Variants in ZHX2 observed in about 807,000 individuals in gnomAD.
ZHX2 encodes the protein zinc fingers and homeoboxes protein 2.
In ZHX2, 6 loss-of-function variants were observed where a neutral mutation model predicts 21.9. The observed-to-expected ratio is 0.27, with a 90% confidence interval of 0.15 to 0.54. The LOEUF is 0.54. ZHX2 is among the 20% of genes least tolerant of loss of function. The pLI, the probability that ZHX2 is intolerant of heterozygous loss-of-function variation, is 0.95. For synonymous variants in ZHX2, 434 were observed against 437.1 expected (o/e 0.99, Z 0.09); for missense variants, 908 against 1,090.7 (o/e 0.83, Z 2.36).
intron 1 of ZHX2, among the ~76,000 whole-genome samples, chr8:122,831,286 C>G (rs1010871319): frequency 6.6e-6 from 1 of 152,114 alleles, no homozygotes; most frequent in African/African-American, 2.4e-5. Flanking sequence ...GAAAAGGCGG[C>G]GGCCAGAGGG....
intron 3 of ZHX2, among the ~76,000 whole-genome samples, chr8:122,957,782 A>G (rs1045580108): frequency 1.3e-5 from 2 of 152,052 alleles, no homozygotes; most frequent in Non-Finnish European, 2.9e-5. Flanking sequence ...TTGGAGTTCC[A>G]TGGTATTGAG....
chr8:122,790,103 A>G (rs764833423), intron 1 of ZHX2, among the ~76,000 whole-genome samples: 8 of 152,208 alleles, frequency 5.3e-5, no homozygotes, highest in Non-Finnish European at 8.8e-5. Context: ...ATTTCCTGGT[A>G]CAGGATATAT....
intron 1 of ZHX2, among the ~76,000 whole-genome samples, chr8:122,844,069 T>C (rs531070499): frequency 4.6e-5 from 7 of 152,292 alleles, no homozygotes; most frequent in African/African-American, 1.4e-4. Context: ...TATGCCTTTC[T>C]TGGGGCATCT....
At chr8:122,795,167 A>G (rs1034128183) in intron 1 of ZHX2, among the ~76,000 whole-genome samples, 8 of 152,240 alleles carry the variant, frequency 5.3e-5, no homozygotes, top group Non-Finnish European at 1.2e-4. Context: ...AGGAAGTTCT[A>G]TGCTCCTGGG....
chr8:122,799,631 G>T (rs1317617182), intron 1 of ZHX2, among the ~76,000 whole-genome samples: 2 of 152,148 alleles, frequency 1.3e-5, no homozygotes, highest in Admixed American at 6.5e-5. Context: ...TAGAGGACTT[G>T]GTTTTAGCTC....
chr8:122,798,661 T>C (rs1817659030), intron 1 of ZHX2, among the ~76,000 whole-genome samples: 1 of 152,090 alleles, frequency 6.6e-6, no homozygotes, highest in Non-Finnish European at 1.5e-5. Context: ...TATGCACCTC[T>C]AGTCCCAGCT....
rs144930055 is a variant in ZHX2, at chr8:122,821,155, C to T, written c.-283+39209C>T. ...AATTCTAGATTCTGGAGGAGGGGTG[C>T]GCTGGTTCTGCAGGGACCAGGAGTC... On this transcript the variant is annotated intron_variant, in intron 1 of 3. Transcript: ENST00000314393. Among the ~76,000 whole-genome samples the T allele has an allele frequency of 6.5e-3, 986 of 152,292 alleles. 6 individuals carry two copies. Among genetic ancestry groups the T allele is most frequent in the Middle Eastern group, 0.014 (4 of 294 alleles).
At chr8:122,790,990 C>A (rs533145035) in intron 1 of ZHX2, among the ~76,000 whole-genome samples, 1 of 152,316 alleles carries the variant, frequency 6.6e-6, no homozygotes, top group South Asian at 2.1e-4. Flanking sequence ...TTCTGGAAGC[C>A]AGGCAGGCTT....
At chr8:122,860,136 C>G (rs1281939128) in intron 1 of ZHX2, among the ~76,000 whole-genome samples, 1 of 152,162 alleles carries the variant, frequency 6.6e-6, no homozygotes, top group Non-Finnish European at 1.5e-5. Flanking sequence ...CACAAGGCAG[C>G]AGGAAGGAGA....
intron 2 of ZHX2, among the ~76,000 whole-genome samples, chr8:122,920,652 A>T (rs1439612843): frequency 2.0e-5 from 3 of 152,210 alleles, no homozygotes; most frequent in Non-Finnish European, 4.4e-5. Flanking sequence ...ATGTGTCCAC[A>T]TGAGGTTATA....
intron 2 of ZHX2, among the ~76,000 whole-genome samples, chr8:122,940,012 G>A (rs1812802134): frequency 6.6e-6 from 1 of 152,220 alleles, no homozygotes; most frequent in African/African-American, 2.4e-5. Flanking sequence ...AGTTCTGCAG[G>A]TGAAGGTTCA....
chr8:122,858,146 T>C (rs1254859499), intron 1 of ZHX2, among the ~76,000 whole-genome samples: 2 of 152,206 alleles, frequency 1.3e-5, no homozygotes, highest in African/African-American at 4.8e-5. Flanking sequence ...CTTGCTCTTA[T>C]TTCTGGTCTG....
chr8:122,904,954 T>C (rs1432597183), intron 2 of ZHX2, among the ~76,000 whole-genome samples: 1 of 152,058 alleles, frequency 6.6e-6, no homozygotes, highest in East Asian at 1.9e-4. Context: ...ATAAACGACA[T>C]AACCATATGG....
intron 1 of ZHX2, among the ~76,000 whole-genome samples, chr8:122,826,871 CTT>C (rs1362615198): frequency 6.6e-6 from 1 of 152,072 alleles, no homozygotes; most frequent in African/African-American, 2.4e-5. Flanking sequence ...TCTTCTGACT[CTT>C]AATATAGGTT....
At chr8:122,875,891 T>C (rs1273157637) in intron 2 of ZHX2, among the ~76,000 whole-genome samples, 2 of 152,306 alleles carry the variant, frequency 1.3e-5, no homozygotes, top group Admixed American at 1.3e-4. Context: ...CCCTGACCCC[T>C]TTTCCCTAAT....
At chr8:122,900,040 A>G (rs896737392) in intron 2 of ZHX2, among the ~76,000 whole-genome samples, 1 of 152,188 alleles carries the variant, frequency 6.6e-6, no homozygotes, top group Non-Finnish European at 1.5e-5. Flanking sequence ...ATTTTTTTGT[A>G]GCTTTCATTT....
chr8:122,960,842 A>G (rs1813425449), intron 3 of ZHX2, among the ~76,000 whole-genome samples: 2 of 152,196 alleles, frequency 1.3e-5, no homozygotes, highest in Admixed American at 1.3e-4. Context: ...CATTGTCCAT[A>G]ACCCTAGAGA....
chr8:122,817,450 A>G (rs1818060534), intron 1 of ZHX2, among the ~76,000 whole-genome samples: 1 of 152,136 alleles, frequency 6.6e-6, no homozygotes, highest in East Asian at 1.9e-4. Flanking sequence ...GGCTGCAACC[A>G]GATGTTATGC....
chr8:122,943,440 G>A (rs1812895080), intron 2 of ZHX2, among the ~76,000 whole-genome samples: 2 of 152,166 alleles, frequency 1.3e-5, no homozygotes, highest in African/African-American at 4.8e-5. Context: ...GAGCCTTAGT[G>A]TCCACGTAGG....
Sources: allele counts gnomAD v4.1 joint callset (sites outside exome capture counted in the v4.1 genomes callset), GRCh38; gene constraint gnomAD v4.1.1; transcripts MANE v1.5; gene names NCBI Gene and HGNC (gene_info 2026-07-23, HGNC 2026-07-21).